B3GALT1: variants seen among roughly 807,000 people sequenced by gnomAD.
B3GALT1 encodes the protein UDP-Gal:betaGlcNAc beta 1,3-galactosyltransferase, polypeptide 1.
A neutral mutation model predicts 23.2 loss-of-function variants in B3GALT1; 10 were observed. That is an observed-to-expected ratio of 0.43 (90% CI 0.27 to 0.73). The LOEUF (loss-of-function observed/expected upper bound fraction) is 0.73, where lower values mean the gene tolerates loss of function less well. Ranked by LOEUF, B3GALT1 falls within the 30% of genes least tolerant of loss-of-function variation. The pLI, the probability that B3GALT1 is intolerant of heterozygous loss-of-function variation, is 0.21. For missense variants in B3GALT1, 299 were observed against 405.4 expected, an observed-to-expected ratio of 0.74 and a Z score of 2.25; for synonymous variants, 156 against 141.5, an observed-to-expected ratio of 1.10 and a Z score of -0.73.
intron 2 of B3GALT1, among the ~76,000 whole-genome samples, chr2:167,513,652 A>G (rs1342883976): frequency 6.6e-6 from 1 of 152,204 alleles, no homozygotes; most frequent in Non-Finnish European, 1.5e-5. Context: ...ATGGATGGGA[A>G]TAGAAGAACC....
At chr2:167,834,473 T>G (rs1689417121) in intron 4 of B3GALT1, among the ~76,000 whole-genome samples, 1 of 152,246 alleles carries the variant, frequency 6.6e-6, no homozygotes, top group Non-Finnish European at 1.5e-5. Flanking sequence ...TTCCAGAAGA[T>G]GACAAGTCTC....
At chr2:167,505,838 T>A in intron 2 of B3GALT1, among the ~76,000 whole-genome samples, 1 of 152,080 alleles carries the variant, frequency 6.6e-6, no homozygotes, top group South Asian at 2.1e-4. Context: ...GGCAGGCAGA[T>A]CACTTGAGGC....
At chr2:167,479,495 T>C (rs1429656311) in intron 1 of B3GALT1, among the ~76,000 whole-genome samples, 1 of 152,208 alleles carries the variant, frequency 6.6e-6, no homozygotes, top group Admixed American at 6.5e-5. Flanking sequence ...TATTAGCTTT[T>C]GTTTTAAAAC....
intron 1 of B3GALT1, among the ~76,000 whole-genome samples, chr2:167,382,962 A>G (rs1407247584): frequency 1.3e-5 from 2 of 152,176 alleles, no homozygotes; most frequent in Non-Finnish European, 2.9e-5. Context: ...ACAAACCTAC[A>G]GTAAGATAGA....
intron 2 of B3GALT1, among the ~76,000 whole-genome samples, chr2:167,564,529 CGCAGCGA>C (rs1684110668): frequency 6.6e-6 from 1 of 152,130 alleles, no homozygotes; most frequent in African/African-American, 2.4e-5. Context: ...AGGTGGAGGC[CGCAGCGA>C]GCCGAGACCA....
chr2:167,500,917 T>A (rs537341361), intron 2 of B3GALT1, among the ~76,000 whole-genome samples: 3 of 152,268 alleles, frequency 2.0e-5, no homozygotes, highest in Admixed American at 2.0e-4. Flanking sequence ...CCTTTACTGA[T>A]AGCAAGTCTA....
chr2:167,423,448 C>T (rs1698577000), intron 1 of B3GALT1, among the ~76,000 whole-genome samples: 1 of 152,152 alleles, frequency 6.6e-6, no homozygotes, highest in African/African-American at 2.4e-5. Flanking sequence ...TACTCGCAAT[C>T]CACCAGGACC....
At chr2:167,380,424 A>G (rs889033782) in intron 1 of B3GALT1, among the ~76,000 whole-genome samples, 2 of 152,160 alleles carry the variant, frequency 1.3e-5, no homozygotes, top group Non-Finnish European at 2.9e-5. Flanking sequence ...TCCTGCCCCC[A>G]GACTTGTGAT....
chr2:167,498,504 G>A (rs947504369), intron 2 of B3GALT1, among the ~76,000 whole-genome samples: 1 of 152,088 alleles, frequency 6.6e-6, no homozygotes, highest in African/African-American at 2.4e-5. Flanking sequence ...TCTCTGCCAT[G>A]ACCTAAAATT....
chr2:167,807,230 G>A (rs940601186), intron 3 of B3GALT1, among the ~76,000 whole-genome samples: 10 of 151,856 alleles, frequency 6.6e-5, no homozygotes, highest in African/African-American at 1.7e-4. Flanking sequence ...TCTTGCTAAC[G>A]GTCTATCAAT....
intron 1 of B3GALT1, among the ~76,000 whole-genome samples, chr2:167,451,702 A>C (rs113578377): frequency 0.014 from 2,138 of 152,276 alleles, 51 homozygotes; most frequent in African/African-American, 0.049. Context: ...TCAGGAGAAC[A>C]TCAGCTGAGG....
At chr2:167,348,796 AC>A (rs1697263705) in intron 1 of B3GALT1, among the ~76,000 whole-genome samples, 1 of 151,962 alleles carries the variant, frequency 6.6e-6, no homozygotes, top group Non-Finnish European at 1.5e-5. Flanking sequence ...CTTCCTCTGA[AC>A]CCCCATTTTT....
At chr2:167,785,936 A>G (rs952318709) in intron 3 of B3GALT1, among the ~76,000 whole-genome samples, 1 of 152,234 alleles carries the variant, frequency 6.6e-6, no homozygotes, top group Non-Finnish European at 1.5e-5. Context: ...TTCCGATTTC[A>G]TAGTAGTAAA....
chr2:167,477,231 T>C (rs1292624052), intron 1 of B3GALT1, among the ~76,000 whole-genome samples: 1 of 152,132 alleles, frequency 6.6e-6, no homozygotes, highest in African/African-American at 2.4e-5. Context: ...AAGAAGGACA[T>C]AAAGATGTTA....
intron 1 of B3GALT1, among the ~76,000 whole-genome samples, chr2:167,380,066 A>G (rs1224475503): frequency 6.6e-6 from 1 of 152,182 alleles, no homozygotes; most frequent in African/African-American, 2.4e-5. Context: ...ACACTGCAGC[A>G]TGATCTATGT....
intron 2 of B3GALT1, among the ~76,000 whole-genome samples, chr2:167,532,257 G>A (rs10209312): frequency 2.7e-4 from 41 of 152,198 alleles, no homozygotes; most frequent in African/African-American, 9.9e-4. Flanking sequence ...AGGTTCACCA[G>A]CCATTTAATT....
At chr2:167,602,336 C>A (rs1242665479) in intron 2 of B3GALT1, among the ~76,000 whole-genome samples, 1 of 152,134 alleles carries the variant, frequency 6.6e-6, no homozygotes, top group Non-Finnish European at 1.5e-5. Context: ...CAGAGAGCTG[C>A]AGTGCCACAC....
At chr2:167,830,193 C>T (rs1689317483) in intron 4 of B3GALT1, among the ~76,000 whole-genome samples, 1 of 152,100 alleles carries the variant, frequency 6.6e-6, no homozygotes. Flanking sequence ...GAAGTGAATT[C>T]TCTGCAGCCC....
intron 2 of B3GALT1, among the ~76,000 whole-genome samples, chr2:167,581,800 CA>C (rs1684487095): frequency 6.6e-6 from 1 of 152,114 alleles, no homozygotes. Context: ...CAAATATTTC[CA>C]AAAGGTAGCT....
Sources: allele counts gnomAD v4.1 joint callset (sites outside exome capture counted in the v4.1 genomes callset), GRCh38; gene constraint gnomAD v4.1.1; transcripts MANE v1.5; gene names NCBI Gene and HGNC (gene_info 2026-07-23, HGNC 2026-07-21).